The following CCDC30 variants were observed in gnomAD, a reference collection of about 807,000 sequenced individuals.
CCDC30 encodes the protein coiled-coil domain containing 30.
In CCDC30, 70 loss-of-function variants were observed where a neutral mutation model predicts 100.2. The observed-to-expected ratio is 0.70, with a 90% CI of 0.58 to 0.85. CCDC30 has a LOEUF of 0.85. CCDC30 is among the 40% of genes least tolerant of loss of function. The pLI is 0.00. For missense variants in CCDC30, 652 were observed against 771.2 expected (o/e 0.85, Z 1.83); for synonymous variants, 233 against 269.5 (o/e 0.86, Z 1.33).
At chr1:42,460,276 T>G (rs1643375444), upstream of CCDC30, 1 of 1,014,800 alleles carries the variant, frequency 9.9e-7, no homozygotes, top group Non-Finnish European at 1.2e-6. Flanking sequence ...AAATATTGGT[T>G]GAATGCCTAT....
chr1:42,508,848 CA>C (rs1462856668), intron 6 of CCDC30, among the ~76,000 whole-genome samples: 7 of 151,986 alleles, frequency 4.6e-5, no homozygotes, highest in Non-Finnish European at 7.4e-5. Context: ...TTCAAAAAAA[CA>C]GGCTCCAAGA....
At chr1:42,627,932 CCT>C (rs1646963272) in intron 11 of CCDC30, among the ~76,000 whole-genome samples, 1 of 152,168 alleles carries the variant, frequency 6.6e-6, no homozygotes, top group African/African-American at 2.4e-5. Context: ...TAGGGCACTG[CCT>C]AGTGGAGCTG....
intron 6 of CCDC30, among the ~76,000 whole-genome samples, chr1:42,553,304 A>C (rs1208867222): frequency 6.6e-6 from 1 of 152,034 alleles, no homozygotes; most frequent in Non-Finnish European, 1.5e-5. Context: ...CAGGAAACTC[A>C]CAGCCATGTC....
At position 42,521,742 on chromosome 1, in the gene CCDC30, A is replaced by G. The variant is rs116352360; in HGVS notation, c.456+22826A>G. ...TTTTTTGATGGTCTTATTATTTGCC[A>G]AAATATGTGTAATTATGATATATTT... On this transcript the variant is annotated intron_variant, in intron 6 of 16. Transcript: ENST00000668663. 7.1e-3 allele frequency among the ~76,000 whole-genome samples: 1,083 copies of G among 152,098 alleles called. 16 individuals carry two copies. The highest frequency in any genetic ancestry group is 0.025 in the African/African-American group (1,021 of 41,548).
At chr1:42,582,888 A>C (rs1157592218) in intron 9 of CCDC30, among the ~76,000 whole-genome samples, 1 of 152,210 alleles carries the variant, frequency 6.6e-6, no homozygotes, top group Non-Finnish European at 1.5e-5. Context: ...TCCTATTGAA[A>C]GCTTTGCTCC....
chr1:42,639,587 T>C (rs1647248918), intron 12 of CCDC30, among the ~76,000 whole-genome samples: 1 of 152,204 alleles, frequency 6.6e-6, no homozygotes, highest in Non-Finnish European at 1.5e-5. Flanking sequence ...TGAAGGGTAC[T>C]GTGGGCTTTG....
At chr1:42,636,964 T>C (rs1224877916) in intron 11 of CCDC30, among the ~76,000 whole-genome samples, 2 of 13,074 alleles carry the variant, frequency 1.5e-4, no homozygotes, top group Non-Finnish European at 2.4e-4. Context: ...AGACTCCATC[T>C]CAAAAAAAAA....
chr1:42,523,819 C>T (rs1424938136), intron 6 of CCDC30, among the ~76,000 whole-genome samples: 1 of 152,244 alleles, frequency 6.6e-6, no homozygotes, highest in East Asian at 1.9e-4. Context: ...TTTCAATTGT[C>T]ATATCTTCAG....
intron 6 of CCDC30, among the ~76,000 whole-genome samples, chr1:42,554,300 CAG>C (rs1645322552): frequency 7.6e-6 from 1 of 131,722 alleles, no homozygotes; most frequent in South Asian, 2.4e-4. Flanking sequence ...TTTGTGGAGA[CAG>C]AGTTTCCCTC....
In CCDC30 at chr1:42,536,602, G is replaced by A. The variant is rs768434214; in HGVS notation, c.457-29694G>A. 1.9e-6 allele frequency: 3 copies of A among 1,560,532 alleles called. No homozygotes were observed. Among genetic ancestry groups the A allele is most frequent in the East Asian group, 2.2e-5 (1 of 44,514 alleles). On this transcript the variant is annotated intron_variant, in intron 6 of 16. Coordinates refer to ENST00000668663, the Ensembl canonical transcript of CCDC30. ...GAAGGCCTTGAAAGTTGAAAGTGAGGTATTACCATTCAGGAAGCTGTTTTC... is the reference window on the plus strand; with the variant it reads ...GAAGGCCTTGAAAGTTGAAAGTGAGATATTACCATTCAGGAAGCTGTTTTC...
chr1:42,473,010 T>G, intron 1 of CCDC30: 1 of 1,005,046 alleles, frequency 9.9e-7, no homozygotes. Context: ...GCTAGTACCC[T>G]AAAGACTAGT....
intron 6 of CCDC30, among the ~76,000 whole-genome samples, chr1:42,544,090 G>A (rs1047479883): frequency 6.6e-6 from 1 of 151,998 alleles, no homozygotes; most frequent in Non-Finnish European, 1.5e-5. Flanking sequence ...ACGGGGTCTT[G>A]CTATGTTGCT....
intron 9 of CCDC30, among the ~76,000 whole-genome samples, chr1:42,584,822 T>G (rs1361293632): frequency 6.6e-6 from 1 of 152,170 alleles, no homozygotes; most frequent in East Asian, 1.9e-4. Context: ...TTTGAACCTG[T>G]TCATGAAGGT....
intron 3 of CCDC30, among the ~76,000 whole-genome samples, chr1:42,484,130 T>TA (rs113425533): frequency 0.1 from 14,863 of 146,398 alleles, 931 homozygotes; most frequent in South Asian, 0.19. Flanking sequence ...AAACAAATAA[T>TA]AATAAAAAAA....
chr1:42,475,635 C>T (rs1162049225), intron 1 of CCDC30, among the ~76,000 whole-genome samples: 10 of 152,066 alleles, frequency 6.6e-5, no homozygotes, highest in Non-Finnish European at 1.5e-4. Flanking sequence ...TATAATACTT[C>T]TAATGTTTTA....
At chr1:42,608,954 T>C (rs1260690075) in intron 10 of CCDC30, among the ~76,000 whole-genome samples, 1 of 152,158 alleles carries the variant, frequency 6.6e-6, no homozygotes, top group African/African-American at 2.4e-5. Flanking sequence ...TTTTACAATA[T>C]GGACATTTCT....
intron 11 of CCDC30, among the ~76,000 whole-genome samples, chr1:42,614,617 T>G (rs150737240): frequency 0.017 from 2,643 of 151,396 alleles, 72 homozygotes; most frequent in African/African-American, 0.061. Context: ...TGAAACCCTG[T>G]CTCTACCAAA....
intron 15 of CCDC30, among the ~76,000 whole-genome samples, chr1:42,652,588 A>G (rs1225359062): frequency 1.3e-5 from 2 of 152,256 alleles, no homozygotes; most frequent in Non-Finnish European, 2.9e-5. Context: ...ATAAATATTC[A>G]TAGCAGCATT....
rs79239133 is a variant in CCDC30, at chr1:42,538,502, G to A, written c.457-27794G>A. ...ACCAGGTACTTGGGAGGCTGAGACA[G>A]GAGGATGGTTTGAGCCCAGGAGTTG... On this transcript the variant is annotated intron_variant, in intron 6 of 16. Transcript: ENST00000668663. Among the ~76,000 whole-genome samples the A allele has an allele frequency of 1.3e-3, 197 of 152,290 alleles. 3 individuals are homozygous for A. In the East Asian group the frequency reaches 0.036, roughly 28 times the overall value.
Sources: gnomAD v4.1 joint callset for allele counts (sites outside exome capture counted in the v4.1 genomes callset) on GRCh38, gnomAD v4.1.1 for gene constraint, MANE v1.5 for transcripts, NCBI Gene and HGNC (gene_info 2026-07-23, HGNC 2026-07-21) for gene names.